The following AP3B2 variants were observed in gnomAD, a reference collection of about 807,000 sequenced individuals.
The protein encoded by AP3B2 is adaptor related protein complex 3 subunit beta 2.
A neutral mutation model predicts 126.9 loss-of-function variants in AP3B2; 50 were observed. That is an observed-to-expected ratio of 0.39 (90% CI 0.31 to 0.50). AP3B2 has a LOEUF of 0.50. Among genes scored for constraint, AP3B2 ranks in the 20% least tolerant of loss-of-function variants. AP3B2 has a pLI of 0.79. For synonymous variants in AP3B2, 541 were observed against 565.0 expected (o/e 0.96, Z 0.60); for missense variants, 1,177 against 1,426.4 (o/e 0.83, Z 2.82).
rs60428596 is a variant in AP3B2 at position 82,665,376 on chromosome 15, AACACACACACACACACACACAC to A, written c.1971+59_1972-74del. On this transcript the variant is annotated intron_variant, in intron 16 of 26. Coordinates refer to ENST00000535359, the MANE Select transcript of AP3B2 (RefSeq NM_001278512.2). This position sits in a 1 kb window ranked among gnomAD's most constrained non-coding sequence, Gnocchi z 4.4. ...GGGCTCCCTACTGTCTGCCCCCACC[AACACACACACACACACACACAC>A]ACACACACACACACACACACACACA... 0.011 allele frequency: 13,370 copies of A among 1,257,232 alleles called. 493 individuals carry two copies. The highest frequency in any genetic ancestry group is 0.035 in the South Asian group (2,665 of 76,814). The allele number at this position is 1,257,232 out of a possible 1,614,324, so 77.9% of individuals were successfully genotyped here. A position where few individuals can be genotyped will look rare whatever the true frequency, so the allele number is the denominator to read the frequency against.
At chr15:82,669,607 G>A (rs752229326) in intron 14 of AP3B2, among the ~76,000 whole-genome samples, 3 of 151,682 alleles carry the variant, frequency 2.0e-5, no homozygotes, top group Non-Finnish European at 4.4e-5. Context: ...CAGGAGAACC[G>A]CTTGAACCCG....
At chr15:82,709,465 G>C (rs935471447) in intron 1 of AP3B2, 129 bp downstream of exon 1, 18 of 456,564 alleles carry the variant, frequency 3.9e-5, no homozygotes, top group Admixed American at 6.3e-5. Flanking sequence ...GGAGGGGGCC[G>C]GGCGGGCTTC....
At chr15:82,700,234 A>G (rs2048697082) in intron 1 of AP3B2, among the ~76,000 whole-genome samples, 1 of 151,578 alleles carries the variant, frequency 6.6e-6, no homozygotes, top group African/African-American at 2.4e-5. Flanking sequence ...GCCTTTCCAG[A>G]GCCAATACTT....
chr15:82,688,371 G>A, intron 4 of AP3B2: 1 of 699,622 alleles, frequency 1.4e-6, no homozygotes, highest in South Asian at 1.5e-5. Flanking sequence ...AATCTACCTG[G>A]CTGTGGACCA....
intron 3 of AP3B2, 49 bp from the exon 4 acceptor site, chr15:82,688,880 T>G: frequency 1.3e-6 from 2 of 1,515,356 alleles, no homozygotes; most frequent in Non-Finnish European, 1.8e-6. Context: ...CAGGCACCTG[T>G]GCCCACCCCC....
rs1023952203 is a variant in AP3B2 at position 82,709,208 on chromosome 15, C to A, written c.113+386G>T. Among the ~76,000 whole-genome samples, 112 of 152,214 alleles carry A rather than the reference C, an allele frequency of 7.4e-4. 1 individual carries two copies. The highest frequency in any genetic ancestry group is 7.2e-4 in the Admixed American group (11 of 15,294). ...CCTGAAGAGGCCCCAGGCTCAAGCT[C>A]AAGTTCGCTGACTCAGACCCCTCCC... is the stretch of plus-strand genomic sequence containing the variant. On this transcript the variant is annotated intron_variant, in intron 1 of 26. Coordinates refer to ENST00000535359, the MANE Select transcript of AP3B2 (RefSeq NM_001278512.2).
At chr15:82,689,991 C>T (rs2048498443) in intron 1 of AP3B2, 2 of 154,730 alleles carry the variant, frequency 1.3e-5, no homozygotes, top group Non-Finnish European at 2.9e-5. Context: ...AAGACAGCCA[C>T]TTAAAGAGAC....
intron 13 of AP3B2, 34 bp downstream of exon 13, chr15:82,677,240 G>C: frequency 1.3e-6 from 2 of 1,522,050 alleles, no homozygotes; most frequent in Non-Finnish European, 1.8e-6. Context: ...GGAGGACCTT[G>C]AAGTGGGGAG....
chr15:82,664,445 C>T lies in AP3B2; in HGVS notation c.2183G>A (p.Ser728Asn). The change falls in exon 19 of 27, where the codon AGC (serine) becomes AAC (asparagine). Residue 728 changes from serine (S) to asparagine (N), a missense_variant. Physicochemically the swap from Ser to Asn is conservative, Grantham distance 46. This residue lies in a region of AP3B2 where 587 missense variants were observed against 571.3 expected (regional missense o/e 1.03). Transcript: ENST00000535359. The surrounding 1 kb of genome is among the most constrained non-coding windows in gnomAD (Gnocchi z 4.5). ...SESDSKSSSE[S>N]GSGESSSESD... ...CTCACTGCTGGACTCCCCAGAGCCGCTCTCACTGCTGCTCTTACTGTCCGA... is the reference window on the plus strand; with the variant it reads ...CTCACTGCTGGACTCCCCAGAGCCGTTCTCACTGCTGCTCTTACTGTCCGA... 6.2e-7 allele frequency: 1 copy of T among 1,613,970 alleles called. No individual in the cohort carries two copies. Among genetic ancestry groups the T allele is most frequent in the Non-Finnish European group, 8.5e-7 (1 of 1,179,884 alleles).
intron 1 of AP3B2, chr15:82,692,541 A>G (rs1596192492): frequency 5.3e-6 from 1 of 189,112 alleles, no homozygotes; most frequent in East Asian, 1.8e-4. Flanking sequence ...TTGGGGTGGG[A>G]AAGTATGGAC....
At position 82,681,091 on chromosome 15, in the gene AP3B2, G is replaced by C. The variant is rs2048332470; in HGVS notation, c.588+21C>G. 1 of 1,613,302 alleles carries C rather than the reference G, an allele frequency of 6.2e-7. No individual in the cohort carries two copies. The highest frequency in any genetic ancestry group is 1.3e-5 in the African/African-American group (1 of 74,920). ...CCGGCTGCCGGTCACCACCCCTCCC[G>C]GAGCGCCCCTATACACGCACCGTGG... is the stretch of plus-strand genomic sequence containing the variant. On this transcript the variant is annotated intron_variant, in intron 6 of 26. Coordinates refer to ENST00000535359, the MANE Select transcript of AP3B2 (RefSeq NM_001278512.2). The surrounding 1 kb of genome is among the most constrained non-coding windows in gnomAD (Gnocchi z 4.0).
At position 82,677,245 on chromosome 15, in the gene AP3B2, G is replaced by C. The variant is rs186149570; in HGVS notation, c.1488+29C>G. ...GAAATCATGGGGAGGACCTTGAAGT[G>C]GGGAGTGAAAATATGGCTTCTCCCT... On this transcript the variant is annotated intron_variant, in intron 13 of 26. Transcript: ENST00000535359. The C allele has an allele frequency of 6.2e-5, 96 of 1,536,014 alleles. No individual in the cohort carries two copies. In the African/African-American group the frequency reaches 1.2e-3, roughly 20 times the overall value.
At chr15:82,700,397 C>CTTTGTTTTTTTTTTTTTT (rs2048700101) in intron 1 of AP3B2, among the ~76,000 whole-genome samples, 1 of 35,086 alleles carries the variant, frequency 2.9e-5, no homozygotes, top group Admixed American at 5.4e-4. Context: ...TGGTGGGTGG[C>CTTTGTTTTTTTTTTTTTT]TTTTTTTTTT....
chr15:82,679,668 T>G, intron 10 of AP3B2, 61 bp downstream of exon 10: 1 of 1,502,692 alleles, frequency 6.7e-7, no homozygotes. Context: ...TGTGAGTTAT[T>G]TGAGTGGGTA....
intron 1 of AP3B2, among the ~76,000 whole-genome samples, chr15:82,703,927 C>G (rs950995338): frequency 6.6e-6 from 1 of 152,162 alleles, no homozygotes; most frequent in African/African-American, 2.4e-5. Flanking sequence ...GACTCCAATT[C>G]TTTCTCAGCT....
intron 14 of AP3B2, 95 bp from the exon 15 acceptor site, chr15:82,667,028 C>G: frequency 4.7e-6 from 6 of 1,289,064 alleles, no homozygotes; most frequent in Non-Finnish European, 6.5e-6. Context: ...TCAGGCAGAA[C>G]GTCTCCTCTC....
At chr15:82,684,054 C>G (rs1276745652) in intron 4 of AP3B2, among the ~76,000 whole-genome samples, 1 of 152,204 alleles carries the variant, frequency 6.6e-6, no homozygotes, top group African/African-American at 2.4e-5. Flanking sequence ...TGCCATAATT[C>G]TTAAGGACCC....
chr15:82,690,952 T>TTACAGGCATGAGCCACGCTGGGAG (rs2151451170), intron 1 of AP3B2, among the ~76,000 whole-genome samples: 1 of 152,140 alleles, frequency 6.6e-6, no homozygotes, highest in Non-Finnish European at 1.5e-5. Context: ...CACGCTGGGA[T>TTACAGGCATGAGCCACGCTGGGAG]TACAGGCATG....
Position 82,681,384 on chromosome 15 carries a change from G to A in AP3B2, c.521+36C>T. Reference sequence around the variant, plus strand: ...GGGTGGGTTGAGAACTTAGGAACCAGCCTCCTGGGGAGCGTGGGACAGGGC... The same window carrying A: ...GGGTGGGTTGAGAACTTAGGAACCAACCTCCTGGGGAGCGTGGGACAGGGC... On this transcript the variant is annotated intron_variant, in intron 5 of 26. Coordinates refer to ENST00000535359, the MANE Select transcript of AP3B2 (RefSeq NM_001278512.2). The surrounding 1 kb of genome is among the most constrained non-coding windows in gnomAD (Gnocchi z 4.0). The A allele has an allele frequency of 1.2e-5, 19 of 1,608,838 alleles. No individual in the cohort carries two copies. Among genetic ancestry groups the A allele is most frequent in the Non-Finnish European group, 1.5e-5 (18 of 1,177,034 alleles).
Sources: gnomAD v4.1 joint callset for allele counts (sites outside exome capture counted in the v4.1 genomes callset) on GRCh38, gnomAD v4.1.1 for gene constraint, gnomAD v4.1.1 regional missense constraint, Gnocchi (gnomAD v3.1) non-coding constraint, MANE v1.5 for transcripts, NCBI Gene and HGNC (gene_info 2026-07-23, HGNC 2026-07-21) for gene names.